CYP7B1: variants seen among roughly 807,000 people sequenced by gnomAD.
CYP7B1 encodes cytochrome P450 7B1.
A neutral mutation model predicts 42.7 loss-of-function variants in CYP7B1; 29 were observed. The observed-to-expected ratio is 0.68, with a 90% CI of 0.51 to 0.93. CYP7B1 has a LOEUF of 0.93. Ranked by LOEUF, CYP7B1 falls within the 40% of genes least tolerant of loss-of-function variation. CYP7B1 has a pLI of 0.00. For synonymous variants in CYP7B1, 235 were observed against 218.2 expected (o/e 1.08, Z -0.68); for missense variants, 655 against 600.5 (o/e 1.09, Z -0.95).
At chr8:64,784,348 A>G (rs772252194) in intron 1 of CYP7B1, among the ~76,000 whole-genome samples, 2 of 152,192 alleles carry the variant, frequency 1.3e-5, no homozygotes, top group African/African-American at 2.4e-5. Flanking sequence ...GTCTGCCACT[A>G]TATTCCACCA....
At chr8:64,691,656 T>G (rs1806747419) in intron 1 of CYP7B1, among the ~76,000 whole-genome samples, 2 of 152,262 alleles carry the variant, frequency 1.3e-5, no homozygotes, top group Admixed American at 6.5e-5. Flanking sequence ...ATACCTCCAC[T>G]TTAGTGTAGC....
At chr8:64,647,338 A>T (rs1483249499) in intron 1 of CYP7B1, among the ~76,000 whole-genome samples, 1 of 152,186 alleles carries the variant, frequency 6.6e-6, no homozygotes, top group Non-Finnish European at 1.5e-5. Context: ...TATTGTGAGA[A>T]TTATCAAAAT....
At chr8:64,725,996 A>AC in intron 1 of CYP7B1, among the ~76,000 whole-genome samples, 1 of 152,330 alleles carries the variant, frequency 6.6e-6, no homozygotes, top group Admixed American at 6.5e-5. Flanking sequence ...AAGGAAGCAG[A>AC]CCGTCTGTTT....
chr8:64,633,835 T>C (rs1416476482), intron 1 of CYP7B1, among the ~76,000 whole-genome samples: 2 of 152,220 alleles, frequency 1.3e-5, no homozygotes, highest in Admixed American at 1.3e-4. Flanking sequence ...AGACTTATAC[T>C]ACCTGATGTT....
intron 1 of CYP7B1, among the ~76,000 whole-genome samples, chr8:64,755,287 G>A (rs1338413057): frequency 6.6e-6 from 1 of 152,160 alleles, no homozygotes; most frequent in Non-Finnish European, 1.5e-5. Flanking sequence ...GTGAAAGGAC[G>A]TTCTGCTTCT....
rs1805251405 is a variant in CYP7B1 at position 64,604,724 on chromosome 8, A to C, written c.1191T>G (p.Pro397=). 6.2e-7 allele frequency: 1 copy of C among 1,614,030 alleles called. No homozygotes were observed. Among genetic ancestry groups the C allele is most frequent in the Non-Finnish European group, 8.5e-7 (1 of 1,180,034 alleles). The part of the protein sequence containing the change: ...VRKGDLVAIF[P]PVLHGDPEIF... ...TTTCAGGGTCACCATGTAGGACTGG[A>C]GGAAAGATGGCTACCAAGTCTCCCT... Residue 397 remains proline (P), a synonymous_variant, in exon 5 of 6, where the codon CCT becomes CCG. Coordinates refer to ENST00000310193, the MANE Select transcript of CYP7B1 (RefSeq NM_004820.5).
chr8:64,684,914 A>G (rs1806596538), intron 1 of CYP7B1, among the ~76,000 whole-genome samples: 1 of 152,214 alleles, frequency 6.6e-6, no homozygotes, highest in Non-Finnish European at 1.5e-5. Flanking sequence ...GGCTCTTATC[A>G]ATAACCCAGA....
intron 1 of CYP7B1, among the ~76,000 whole-genome samples, chr8:64,732,039 C>T (rs1023147073): frequency 6.6e-5 from 10 of 152,202 alleles, no homozygotes; most frequent in African/African-American, 2.4e-4. Context: ...TCTGCTAGGG[C>T]AGTGCAGAAG....
chr8:64,788,794 C>T (rs1804569450), intron 1 of CYP7B1, among the ~76,000 whole-genome samples: 1 of 152,186 alleles, frequency 6.6e-6, no homozygotes, highest in African/African-American at 2.4e-5. Context: ...AGGAACTTAA[C>T]TCTTGTTTAT....
intron 1 of CYP7B1, among the ~76,000 whole-genome samples, chr8:64,739,461 T>C (rs1016413893): frequency 6.6e-6 from 1 of 152,132 alleles, no homozygotes. Flanking sequence ...TACCACTACA[T>C]CAAACATTAA....
intron 1 of CYP7B1, among the ~76,000 whole-genome samples, chr8:64,777,258 T>C (rs191309066): frequency 6.6e-5 from 10 of 150,674 alleles, no homozygotes; most frequent in African/African-American, 2.2e-4. Flanking sequence ...AAGGGTAAGA[T>C]GGGATTTTTG....
At position 64,790,636 on chromosome 8, in the gene CYP7B1, G is replaced by A. The variant is rs560751989; in HGVS notation, c.122+7830C>T. Among the ~76,000 whole-genome samples the A allele has an allele frequency of 4.5e-4, 69 of 152,282 alleles. 1 individual carries two copies. The highest frequency in any genetic ancestry group is 3.1e-3 in the Admixed American group (47 of 15,300). On this transcript the variant is annotated intron_variant, in intron 1 of 5. Transcript: ENST00000310193. Reference sequence around the variant, plus strand: ...AGGTCACAATGCCTGCCTAAATCATGAATTAATCAAAACGTTTAACTAACC... The same window carrying A: ...AGGTCACAATGCCTGCCTAAATCATAAATTAATCAAAACGTTTAACTAACC...
chr8:64,626,541 G>T (rs987970164), intron 1 of CYP7B1, among the ~76,000 whole-genome samples: 1 of 152,030 alleles, frequency 6.6e-6, no homozygotes, highest in Non-Finnish European at 1.5e-5. Context: ...TGATTGAGAC[G>T]ATTTGTTAAA....
chr8:64,671,678 C>G (rs1393662903), intron 1 of CYP7B1, among the ~76,000 whole-genome samples: 2 of 152,118 alleles, frequency 1.3e-5, no homozygotes, highest in Non-Finnish European at 2.9e-5. Context: ...TGCAATCCCA[C>G]AGGCCAACTG....
intron 3 of CYP7B1, 129 bp from the exon 4 acceptor site, chr8:64,615,361 AG>A: frequency 1.2e-6 from 1 of 852,002 alleles, no homozygotes; most frequent in Non-Finnish European, 1.8e-6. Context: ...GAGAACCAAT[AG>A]GCTTCTGAAG....
chr8:64,667,986 A>T (rs1806307649), intron 1 of CYP7B1, among the ~76,000 whole-genome samples: 1 of 152,194 alleles, frequency 6.6e-6, no homozygotes, highest in Non-Finnish European at 1.5e-5. Flanking sequence ...TCTGAACTTA[A>T]ATGCTACAGA....
intron 4 of CYP7B1, among the ~76,000 whole-genome samples, chr8:64,612,846 T>G (rs144883092): frequency 5.3e-4 from 80 of 152,274 alleles, no homozygotes; most frequent in Admixed American, 1.4e-3. Context: ...ACATACCACG[T>G]GGCACATGGT....
chr8:64,765,385 C>T (rs184103961), intron 1 of CYP7B1, among the ~76,000 whole-genome samples: 1 of 152,168 alleles, frequency 6.6e-6, no homozygotes, highest in Non-Finnish European at 1.5e-5. Flanking sequence ...GTTGCTTACA[C>T]CCTCTATGAA....
chr8:64,626,609 TA>T (rs1160234844), intron 1 of CYP7B1, among the ~76,000 whole-genome samples: 1 of 152,234 alleles, frequency 6.6e-6, no homozygotes, highest in African/African-American at 2.4e-5. Flanking sequence ...TACTATCAGT[TA>T]AAAAACAAGT....
Sources: gnomAD v4.1 joint callset for allele counts (sites outside exome capture counted in the v4.1 genomes callset) on GRCh38, gnomAD v4.1.1 for gene constraint, MANE v1.5 for transcripts, NCBI Gene and HGNC (gene_info 2026-07-23, HGNC 2026-07-21) for gene names.